The following EXOC6B variants were observed in gnomAD, a reference collection of about 807,000 sequenced individuals.
The protein encoded by EXOC6B is exocyst complex component 6B.
A neutral mutation model predicts 113.5 loss-of-function variants in EXOC6B; 54 were observed. That is an observed-to-expected ratio of 0.48 (90% CI 0.38 to 0.60). The LOEUF is 0.60. Ranked by LOEUF, EXOC6B falls within the 20% of genes least tolerant of loss-of-function variation. The pLI is 0.00. For synonymous variants in EXOC6B, 357 were observed against 339.0 expected (o/e 1.05, Z -0.58); for missense variants, 797 against 977.5 (o/e 0.82, Z 2.46).
intron 6 of EXOC6B, among the ~76,000 whole-genome samples, chr2:72,671,894 AAAG>A (rs1404404844): frequency 1.3e-5 from 2 of 151,800 alleles, no homozygotes; most frequent in Non-Finnish European, 2.9e-5. Context: ...GAAGGAAGGA[AAAG>A]AAAGAGAAAG....
intron 18 of EXOC6B, among the ~76,000 whole-genome samples, chr2:72,437,955 A>G (rs1695974556): frequency 6.6e-6 from 1 of 152,164 alleles, no homozygotes; most frequent in Non-Finnish European, 1.5e-5. Flanking sequence ...ATGTGATTAA[A>G]TTTGCAATAC....
intron 1 of EXOC6B, among the ~76,000 whole-genome samples, chr2:72,772,153 C>A (rs1290451370): frequency 1.3e-5 from 2 of 152,198 alleles, no homozygotes; most frequent in Middle Eastern, 3.2e-3. Context: ...ACAAGAGAGA[C>A]CCTCGCTGGA....
intron 18 of EXOC6B, among the ~76,000 whole-genome samples, chr2:72,411,322 C>A (rs1694172337): frequency 2.0e-5 from 3 of 152,114 alleles, no homozygotes; most frequent in Admixed American, 2.0e-4. Context: ...TAGAAAGGAA[C>A]AGGAAACAAG....
At chr2:72,502,752 C>A (rs539502114) in intron 11 of EXOC6B, among the ~76,000 whole-genome samples, 1 of 152,092 alleles carries the variant, frequency 6.6e-6, no homozygotes, top group Admixed American at 6.6e-5. Flanking sequence ...CTGGAATTTC[C>A]CCTTCTTTTA....
chr2:72,774,789 AG>A lies in EXOC6B; in HGVS notation c.114-33321del, dbSNP rs1040333403. ...AGTTAGCATCAGACTCCACAGGTTA[AG>A]GGCTCAGTCCCATAAAACTGACAAA... is the stretch of plus-strand genomic sequence containing the variant. On this transcript the variant is annotated intron_variant, in intron 1 of 21. Transcript: ENST00000272427. Among the ~76,000 whole-genome samples, 103 of 152,270 alleles carry A rather than the reference AG, an allele frequency of 6.8e-4. 1 individual carries two copies. Among genetic ancestry groups the A allele is most frequent in the African/African-American group, 2.3e-3 (97 of 41,546 alleles).
At chr2:72,788,712 C>A (rs534371911) in intron 1 of EXOC6B, among the ~76,000 whole-genome samples, 29 of 152,142 alleles carry the variant, frequency 1.9e-4, no homozygotes, top group Admixed American at 1.2e-3. Flanking sequence ...GTGGAAGGAT[C>A]GCGTGAGCCT....
chr2:72,399,015 A>G (rs996144749), intron 18 of EXOC6B, among the ~76,000 whole-genome samples: 12 of 151,606 alleles, frequency 7.9e-5, no homozygotes, highest in Admixed American at 3.3e-4. Flanking sequence ...AAAAGAAAAA[A>G]AAAAAAAGAA....
chr2:72,245,167 A>G (rs1028407991), intron 20 of EXOC6B, among the ~76,000 whole-genome samples: 3 of 152,316 alleles, frequency 2.0e-5, no homozygotes, highest in South Asian at 2.1e-4. Context: ...CAAAAGACCC[A>G]TTATAGCCAA....
At chr2:72,339,354 A>G (rs1688893980) in intron 19 of EXOC6B, among the ~76,000 whole-genome samples, 1 of 152,194 alleles carries the variant, frequency 6.6e-6, no homozygotes, top group Non-Finnish European at 1.5e-5. Flanking sequence ...TTTGCAATCC[A>G]GAATTTTTAG....
At chr2:72,671,779 G>GAA (rs1163079479) in intron 6 of EXOC6B, among the ~76,000 whole-genome samples, 2 of 103,416 alleles carry the variant, frequency 1.9e-5, no homozygotes, top group African/African-American at 9.6e-5. Context: ...AAGAAAGAAA[G>GAA]AAAGAAAGAA....
intron 19 of EXOC6B, among the ~76,000 whole-genome samples, chr2:72,350,666 G>C (rs1449417993): frequency 1.3e-5 from 2 of 152,304 alleles, no homozygotes; most frequent in Admixed American, 1.3e-4. Context: ...ATTACGTAAG[G>C]CGTCAAAGAT....
chr2:72,679,639 G>A (rs1676547131), intron 6 of EXOC6B, among the ~76,000 whole-genome samples: 2 of 152,192 alleles, frequency 1.3e-5, no homozygotes, highest in African/African-American at 4.8e-5. Flanking sequence ...AATGAATTGG[G>A]AGGAGGTAAC....
At chr2:72,342,813 T>C (rs1689108910) in intron 19 of EXOC6B, among the ~76,000 whole-genome samples, 1 of 151,674 alleles carries the variant, frequency 6.6e-6, no homozygotes, top group South Asian at 2.1e-4. Flanking sequence ...CAGAAAACAA[T>C]GAAAAGAAAA....
intron 8 of EXOC6B, among the ~76,000 whole-genome samples, chr2:72,548,786 T>C (rs1275236013): frequency 2.0e-5 from 3 of 152,112 alleles, no homozygotes; most frequent in Non-Finnish European, 4.4e-5. Context: ...AAACAACATA[T>C]TTAGAATATG....
rs111658461 is a variant in EXOC6B at position 72,785,387 on chromosome 2, G to A, written c.113+40411C>T. Among the ~76,000 whole-genome samples the A allele has an allele frequency of 1.4e-4, 22 of 152,352 alleles. 2 individuals are homozygous for A. Among genetic ancestry groups the A allele is most frequent in the African/African-American group, 4.6e-4 (19 of 41,590 alleles). On this transcript the variant is annotated intron_variant, in intron 1 of 21. Coordinates refer to ENST00000272427, the MANE Select transcript of EXOC6B (RefSeq NM_015189.3). ...TGCCCCAGTAGGGACTCTGTGTGGG[G>A]GGCTCCAACCCCATATTTCCCTTCT...
chr2:72,722,742 G>A (rs188178603), intron 5 of EXOC6B, among the ~76,000 whole-genome samples: 113 of 152,260 alleles, frequency 7.4e-4, no homozygotes, highest in African/African-American at 2.6e-3. Flanking sequence ...ACTTTAGAAC[G>A]GATAGAAAGC....
intron 6 of EXOC6B, among the ~76,000 whole-genome samples, chr2:72,639,883 G>C (rs1258675685): frequency 1.3e-5 from 2 of 152,148 alleles, no homozygotes; most frequent in Non-Finnish European, 2.9e-5. Flanking sequence ...GCAAGCTCAA[G>C]GATTAAAGGA....
chr2:72,663,372 C>T (rs1675159629), intron 6 of EXOC6B, among the ~76,000 whole-genome samples: 1 of 152,118 alleles, frequency 6.6e-6, no homozygotes, highest in African/African-American at 2.4e-5. Context: ...TAGTGAAAAA[C>T]ATGTGACTAT....
intron 19 of EXOC6B, among the ~76,000 whole-genome samples, chr2:72,338,594 G>A (rs1233479761): frequency 6.6e-6 from 1 of 151,964 alleles, no homozygotes; most frequent in Non-Finnish European, 1.5e-5. Flanking sequence ...TATAAAATAG[G>A]TATTTTGTAA....
Sources: allele counts gnomAD v4.1 joint callset (sites outside exome capture counted in the v4.1 genomes callset), GRCh38; gene constraint gnomAD v4.1.1; transcripts MANE v1.5; gene names NCBI Gene and HGNC (gene_info 2026-07-23, HGNC 2026-07-21).